SH2B3: variants seen among roughly 807,000 people sequenced by gnomAD.
SH2B3 encodes the protein SH2B adapter protein 3.
In SH2B3, 43 loss-of-function variants were observed where a neutral mutation model predicts 51.9. That is an observed-to-expected ratio of 0.83 (90% CI 0.65 to 1.07). SH2B3 has a LOEUF of 1.07. Ranked by LOEUF, SH2B3 falls within the 50% of genes least tolerant of loss-of-function variation. The pLI is 0.00. For missense variants in SH2B3, 952 were observed against 834.3 expected (o/e 1.14, Z -1.74); for synonymous variants, 396 against 376.0 (o/e 1.05, Z -0.62).
rs1047508477 is a variant in SH2B3 at position 111,451,054 on chromosome 12, C to T, written c.*2752C>T. ...TTGACAGCTCCCGGCACCATCCCTTCCTTCATCTGACTTATTGAACTTTTA... is the reference window on the plus strand; with the variant it reads ...TTGACAGCTCCCGGCACCATCCCTTTCTTCATCTGACTTATTGAACTTTTA... On this transcript the variant is annotated 3_prime_UTR_variant, in exon 8 of 8. Coordinates refer to ENST00000341259, the MANE Select transcript of SH2B3 (RefSeq NM_005475.3). 6.5e-6 allele frequency: 1 copy of T among 152,728 alleles called. No individual in the cohort carries two copies. The highest frequency in any genetic ancestry group is 6.5e-5 in the Admixed American group (1 of 15,284). The allele number at this position is 152,728 out of a possible 1,614,324, so 9.5% of individuals were successfully genotyped here.
At position 111,448,266 on chromosome 12, in the gene SH2B3, CCTGCGGGCCAT is replaced by C; in HGVS notation, c.1693_1703del (p.Leu565ArgfsTer83). 1 of 1,613,896 alleles carries C rather than the reference CCTGCGGGCCAT, an allele frequency of 6.2e-7. No individual in the cohort carries two copies. Among genetic ancestry groups the C allele is most frequent in the Non-Finnish European group, 8.5e-7 (1 of 1,179,830 alleles). The stretch of plus-strand genomic sequence containing the variant: ...AAATGGACTCATCCTCCCGGAGCCA[CCTGCGGGCCAT>C]AGACAATCAGTACACACCTCTCTGA... On this transcript the variant is annotated frameshift_variant, in exon 8 of 8. Transcript: ENST00000341259. LOFTEE classifies it high-confidence loss of function.
In SH2B3 at chr12:111,435,894, C is replaced by T. The variant is rs1028301994; in HGVS notation, c.733-10859C>T. Among the ~76,000 whole-genome samples, 2 of 152,166 alleles carry T rather than the reference C, an allele frequency of 1.3e-5. No homozygotes were observed. The highest frequency in any genetic ancestry group is 2.1e-4 in the South Asian group (1 of 4,832). On this transcript the variant is annotated intron_variant, in intron 2 of 7. Transcript: ENST00000341259. This position sits in a 1 kb window ranked among gnomAD's most constrained non-coding sequence, Gnocchi z 4.8. ...GGGACAGCTGGGAGCAGGATGTGGT[C>T]GTGCGAGGCGTGGGCTGACGGCAGC...
intron 1 of SH2B3, among the ~76,000 whole-genome samples, chr12:111,417,491 T>TA (rs1593036002): frequency 4.0e-5 from 6 of 151,764 alleles, no homozygotes; most frequent in African/African-American, 1.2e-4. Flanking sequence ...TTTATTTATT[T>TA]TTTGAGACAG....
intron 1 of SH2B3, among the ~76,000 whole-genome samples, chr12:111,416,231 C>T (rs748034201): frequency 1.2e-4 from 19 of 152,150 alleles, no homozygotes; most frequent in Admixed American, 3.9e-4. Context: ...CGTGAGCCAC[C>T]GTGCCCGGCC....
chr12:111,438,040 A>G lies in SH2B3; in HGVS notation c.733-8713A>G, dbSNP rs1053853597. On this transcript the variant is annotated intron_variant, in intron 2 of 7. Transcript: ENST00000341259. This position sits in a 1 kb window ranked among gnomAD's most constrained non-coding sequence, Gnocchi z 4.2. ...GGTTCGATAAGCTCAGTGCTGAGGGAGAGGCACAGGAATTGCACTAATCAT... is the reference window on the plus strand; with the variant it reads ...GGTTCGATAAGCTCAGTGCTGAGGGGGAGGCACAGGAATTGCACTAATCAT... 4.6e-5 allele frequency among the ~76,000 whole-genome samples: 7 copies of G among 152,208 alleles called. No individual in the cohort carries two copies. Among genetic ancestry groups the G allele is most frequent in the Non-Finnish European group, 1.0e-4 (7 of 68,030 alleles).
intron 2 of SH2B3, chr12:111,434,683 A>G (rs1593059932): frequency 1.5e-6 from 1 of 654,600 alleles, no homozygotes; most frequent in Non-Finnish European, 1.9e-6. Flanking sequence ...TCAGATAAAT[A>G]ATTATTTAGG....
intron 2 of SH2B3, among the ~76,000 whole-genome samples, chr12:111,430,879 C>G (rs561303918): frequency 1.3e-5 from 2 of 152,288 alleles, no homozygotes; most frequent in East Asian, 3.9e-4. Flanking sequence ...GGGTCCCTCC[C>G]CGGGATGGGC....
rs1203097249 is a variant in SH2B3, at chr12:111,418,122, G to A, written c.-24G>A. ...CCCCCACCCACGTGTCTTTCAGCCC[G>A]GCCGCACCACCTGGGTCTCCGCCAT... On this transcript the variant is annotated 5_prime_UTR_variant, in exon 2 of 8. Coordinates refer to ENST00000341259, the MANE Select transcript of SH2B3 (RefSeq NM_005475.3). The surrounding 1 kb of genome is among the most constrained non-coding windows in gnomAD (Gnocchi z 6.7). The A allele has an allele frequency of 6.8e-6, 10 of 1,476,436 alleles. No individual in the cohort carries two copies. The Admixed American group carries it at 1.4e-4, about 21-fold the overall frequency. The allele number at this position is 1,476,436 out of a possible 1,614,324, so 91.5% of individuals were successfully genotyped here. A position where few individuals can be genotyped will look rare whatever the true frequency, so the allele number is the denominator to read the frequency against.
chr12:111,428,991 CGGTTTCCTCTCGGGGCAGGAGTGCGAGG>C (rs1872232816), intron 2 of SH2B3, among the ~76,000 whole-genome samples: 1 of 139,820 alleles, frequency 7.2e-6, no homozygotes, highest in South Asian at 2.4e-4. Context: ...GGAGGCCTGG[CGGTTTCCTCTCGGGGCAGGAGTGCGAGG>C]AGGAGGAGGA....
At chr12:111,425,180 A>G (rs1204964945) in intron 2 of SH2B3, among the ~76,000 whole-genome samples, 7 of 152,106 alleles carry the variant, frequency 4.6e-5, no homozygotes, top group Non-Finnish European at 8.8e-5. Flanking sequence ...CTCCAGGGGC[A>G]CTATGAGGGC....
chr12:111,418,518 GC>G lies in SH2B3; in HGVS notation c.377del (p.Pro126ArgfsTer71). ...CAAGGCCCGCAGCTCTGAGGAGCTG[GC>G]CCCGCCGCGGCCGCCCGGGCCCTGC... ...LPKARSSEEL[A>X]PPRPPGPCSF... On this transcript the variant is annotated frameshift_variant, in exon 2 of 8. Coordinates refer to ENST00000341259, the MANE Select transcript of SH2B3 (RefSeq NM_005475.3). LOFTEE classifies it high-confidence loss of function. The surrounding 1 kb of genome is among the most constrained non-coding windows in gnomAD (Gnocchi z 6.7). 2.2e-6 allele frequency: 3 copies of G among 1,387,524 alleles called. No individual in the cohort carries two copies. The highest frequency in any genetic ancestry group is 2.8e-6 in the Non-Finnish European group (3 of 1,072,286). 86.0% of individuals were successfully genotyped at this position (1,387,524 alleles called of 1,614,324 possible).
Position 111,418,594 on chromosome 12 carries a change from C to A in SH2B3, c.449C>A (p.Ser150Ter), listed in dbSNP as rs769643863. The change falls in exon 2 of 8, where the codon TCG becomes TAG. Residue 150 changes from serine to a stop codon, truncating the protein, a stop_gained. Transcript: ENST00000341259. LOFTEE classifies it high-confidence loss of function. This position sits in a 1 kb window ranked among gnomAD's most constrained non-coding sequence, Gnocchi z 6.7. ...RSLRHIFRRR[S>*]AGELPAAHTA... Reference sequence around the variant, plus strand: ...CTCCGCCACATCTTCCGCCGCCGCTCGGCCGGGGAGCTGCCAGCGGCCCAC... The same window carrying A: ...CTCCGCCACATCTTCCGCCGCCGCTAGGCCGGGGAGCTGCCAGCGGCCCAC... 6.7e-7 allele frequency: 1 copy of A among 1,490,906 alleles called. No individual in the cohort carries two copies. Among genetic ancestry groups the A allele is most frequent in the South Asian group, 1.2e-5 (1 of 80,724 alleles). 92.4% of individuals were successfully genotyped at this position (1,490,906 alleles called of 1,614,324 possible). A position where few individuals can be genotyped will look rare whatever the true frequency, so the allele number is the denominator to read the frequency against.
intron 2 of SH2B3, 42 bp from the exon 3 acceptor site, chr12:111,446,711 G>A (rs756943657): frequency 1.8e-6 from 2 of 1,119,028 alleles, no homozygotes; most frequent in East Asian, 2.4e-5. Context: ...GGAAGAAAGA[G>A]CATCAGGAAC....
intron 2 of SH2B3, among the ~76,000 whole-genome samples, chr12:111,434,422 A>C (rs561528670): frequency 1.3e-5 from 2 of 152,040 alleles, no homozygotes; most frequent in African/African-American, 4.8e-5. Flanking sequence ...TTATCAGGCT[A>C]TTTACTCAGC....
rs780741645 is a variant in SH2B3, at chr12:111,447,638, C to T, written c.1237-18C>T. On this transcript the variant is annotated intron_variant, in intron 6 of 7. Coordinates refer to ENST00000341259, the MANE Select transcript of SH2B3 (RefSeq NM_005475.3). ...TCCTAGAGGGACAGCCCGAGCCCAC[C>T]ATCCTCTCCTCCCACAGCACCTGCG... 2 of 1,608,848 alleles carry T rather than the reference C, an allele frequency of 1.2e-6. No individual in the cohort carries two copies. Among genetic ancestry groups the T allele is most frequent in the Non-Finnish European group, 1.7e-6 (2 of 1,176,424 alleles).
rs573453643 is a variant in SH2B3 at position 111,438,173 on chromosome 12, G to A, written c.733-8580G>A. ...CAAATGCAGGGGCTGGGTGGCAGGG[G>A]AAGGTGTGGGCGGGAAGGCGGCTGG... is the stretch of plus-strand genomic sequence containing the variant. On this transcript the variant is annotated intron_variant, in intron 2 of 7. Transcript: ENST00000341259. This position sits in a 1 kb window ranked among gnomAD's most constrained non-coding sequence, Gnocchi z 4.2. Among the ~76,000 whole-genome samples, 246 of 151,824 alleles carry A rather than the reference G, an allele frequency of 1.6e-3. 2 individuals are homozygous for A. Among genetic ancestry groups the A allele is most frequent in the Non-Finnish European group, 3.2e-3 (218 of 67,890 alleles).
rs1411543820 is a variant in SH2B3 at position 111,429,597 on chromosome 12, G to A, written c.732+10720G>A. 6.6e-6 allele frequency among the ~76,000 whole-genome samples: 1 copy of A among 152,176 alleles called. No individual in the cohort carries two copies. The highest frequency in any genetic ancestry group is 1.5e-5 in the Non-Finnish European group (1 of 68,030). ...TGTCCATCTGCCTCGGCCTCCCAAA[G>A]TGCTAGGATTACAGGCGTGAGCTAC... On this transcript the variant is annotated intron_variant, in intron 2 of 7. Transcript: ENST00000341259. This position sits in a 1 kb window ranked among gnomAD's most constrained non-coding sequence, Gnocchi z 4.4.
chr12:111,432,667 C>T (rs560136295), intron 2 of SH2B3, among the ~76,000 whole-genome samples: 1 of 152,274 alleles, frequency 6.6e-6, no homozygotes, highest in South Asian at 2.1e-4. Flanking sequence ...CAGTCACTCC[C>T]CATACCTCCC....
At position 111,440,936 on chromosome 12, in the gene SH2B3, A is replaced by G. The variant is rs545461010; in HGVS notation, c.733-5817A>G. On this transcript the variant is annotated intron_variant, in intron 2 of 7. Coordinates refer to ENST00000341259, the MANE Select transcript of SH2B3 (RefSeq NM_005475.3). Reference sequence around the variant, plus strand: ...CTGAGATCCTTCCATACCCTCTGGGAGCTCTGTTGCACACACTATGCTCAT... The same window carrying G: ...CTGAGATCCTTCCATACCCTCTGGGGGCTCTGTTGCACACACTATGCTCAT... 2.0e-5 allele frequency among the ~76,000 whole-genome samples: 3 copies of G among 152,254 alleles called. No homozygotes were observed. The South Asian group carries it at 6.2e-4, about 32-fold the overall frequency.
Sources: allele counts gnomAD v4.1 joint callset (sites outside exome capture counted in the v4.1 genomes callset), GRCh38; gene constraint gnomAD v4.1.1; non-coding constraint Gnocchi (gnomAD v3.1); transcripts MANE v1.5; gene names NCBI Gene and HGNC (gene_info 2026-07-23, HGNC 2026-07-21).